KIAA1328: variants seen among roughly 807,000 people sequenced by gnomAD.
KIAA1328 encodes protein hinderin.
Under a neutral mutation model 68.1 loss-of-function variants are expected in KIAA1328, and 52 were observed. That is an observed-to-expected ratio of 0.76 (90% confidence interval 0.61 to 0.96). KIAA1328 has a LOEUF of 0.96. KIAA1328 is among the 40% of genes least tolerant of loss of function. KIAA1328 has a pLI of 0.00. For missense variants in KIAA1328, 641 were observed against 677.6 expected, an observed-to-expected ratio of 0.95 and a Z score of 0.60; for synonymous variants, 232 against 239.4, an observed-to-expected ratio of 0.97 and a Z score of 0.28.
At chr18:36,984,494 C>A (rs1296852406) in intron 6 of KIAA1328, among the ~76,000 whole-genome samples, 1 of 152,020 alleles carries the variant, frequency 6.6e-6, no homozygotes, top group Admixed American at 6.5e-5. Flanking sequence ...AAATTTAAAA[C>A]AATACCATTT....
At chr18:36,988,677 A>G (rs1323171602) in intron 6 of KIAA1328, among the ~76,000 whole-genome samples, 3 of 152,216 alleles carry the variant, frequency 2.0e-5, no homozygotes, top group Non-Finnish European at 4.4e-5. Context: ...TCAGAATGCC[A>G]GTTAAGAGCA....
At chr18:36,841,126 C>T (rs946297665) in intron 3 of KIAA1328, among the ~76,000 whole-genome samples, 1 of 152,002 alleles carries the variant, frequency 6.6e-6, no homozygotes, top group Non-Finnish European at 1.5e-5. Flanking sequence ...TAGCTCAGTT[C>T]TAGTGTCTCT....
chr18:37,062,691 G>A (rs1183038151), intron 6 of KIAA1328, among the ~76,000 whole-genome samples: 1 of 152,048 alleles, frequency 6.6e-6, no homozygotes, highest in Non-Finnish European at 1.5e-5. Flanking sequence ...TCCTGACCTC[G>A]TGATCTGCCT....
intron 7 of KIAA1328, among the ~76,000 whole-genome samples, chr18:37,113,718 T>A (rs2058014241): frequency 6.6e-6 from 1 of 152,116 alleles, no homozygotes. Context: ...ACTGGCAAAT[T>A]GGATAAAGAT....
intron 5 of KIAA1328, among the ~76,000 whole-genome samples, chr18:36,948,199 C>A (rs967192128): frequency 2.0e-5 from 3 of 150,614 alleles, no homozygotes; most frequent in Non-Finnish European, 4.4e-5. Flanking sequence ...ATGGTAAGAA[C>A]AAATCTCTTC....
chr18:37,187,767 G>A (rs1275246098), intron 9 of KIAA1328, among the ~76,000 whole-genome samples: 1 of 152,124 alleles, frequency 6.6e-6, no homozygotes, highest in Non-Finnish European at 1.5e-5. Context: ...AGCCAAGATG[G>A]AAGCCAATCC....
intron 4 of KIAA1328, among the ~76,000 whole-genome samples, chr18:36,864,635 A>G (rs1486405622): frequency 9.2e-6 from 1 of 108,816 alleles, no homozygotes; most frequent in Non-Finnish European, 1.8e-5. Context: ...TGTTTTTGGT[A>G]TTATACTAGC....
chr18:37,032,522 G>A (rs537478599), intron 6 of KIAA1328, among the ~76,000 whole-genome samples: 3 of 149,886 alleles, frequency 2.0e-5, no homozygotes, highest in African/African-American at 4.9e-5. Context: ...TTCATCTTTC[G>A]TATCTATTTC....
chr18:36,938,647 C>A (rs759847564), intron 5 of KIAA1328, among the ~76,000 whole-genome samples: 2 of 152,104 alleles, frequency 1.3e-5, no homozygotes, highest in Non-Finnish European at 2.9e-5. Flanking sequence ...ATGTCAAATC[C>A]AGGAATTCAC....
At chr18:36,853,175 T>G (rs150673922) in intron 4 of KIAA1328, among the ~76,000 whole-genome samples, 1 of 152,316 alleles carries the variant, frequency 6.6e-6, no homozygotes, top group African/African-American at 2.4e-5. Context: ...CCTTTGTGTC[T>G]TTTGATTTAA....
chr18:36,843,427 T>G (rs745614456), intron 3 of KIAA1328, among the ~76,000 whole-genome samples: 1 of 152,204 alleles, frequency 6.6e-6, no homozygotes, highest in Non-Finnish European at 1.5e-5. Flanking sequence ...TCCTTCCTTT[T>G]ACATGTTACC....
chr18:37,129,737 T>C (rs969760401), intron 7 of KIAA1328, among the ~76,000 whole-genome samples: 1 of 152,176 alleles, frequency 6.6e-6, no homozygotes, highest in South Asian at 2.1e-4. Context: ...GGTTTTTAGT[T>C]TCAGAGTTAG....
chr18:36,957,582 A>G (rs955035340), intron 5 of KIAA1328, among the ~76,000 whole-genome samples: 1 of 152,168 alleles, frequency 6.6e-6, no homozygotes, highest in East Asian at 1.9e-4. Context: ...CCAAATTATA[A>G]AATTATAAAA....
intron 3 of KIAA1328, among the ~76,000 whole-genome samples, chr18:36,839,292 T>A (rs549441032): frequency 6.6e-6 from 1 of 152,338 alleles, no homozygotes; most frequent in South Asian, 2.1e-4. Flanking sequence ...TTTGTATTGC[T>A]GTTGCTATGT....
At chr18:37,050,662 G>A (rs953253199) in intron 6 of KIAA1328, among the ~76,000 whole-genome samples, 9 of 152,060 alleles carry the variant, frequency 5.9e-5, no homozygotes, top group East Asian at 1.9e-4. Context: ...ACAATTAGAC[G>A]TTTGTCTTCT....
chr18:37,217,110 G>A (rs1223818350), intron 9 of KIAA1328, among the ~76,000 whole-genome samples: 3 of 151,028 alleles, frequency 2.0e-5, no homozygotes, highest in Non-Finnish European at 2.9e-5. Context: ...GATGGGTCTT[G>A]ATTCTTTATC....
At chr18:36,960,723 C>T (rs1031890360) in intron 6 of KIAA1328, among the ~76,000 whole-genome samples, 3 of 152,192 alleles carry the variant, frequency 2.0e-5, no homozygotes, top group African/African-American at 7.2e-5. Context: ...GCTGAGAGAC[C>T]TGACTGTTAG....
chr18:37,046,244 A>G (rs1409042940), intron 6 of KIAA1328, among the ~76,000 whole-genome samples: 1 of 152,200 alleles, frequency 6.6e-6, no homozygotes, highest in Non-Finnish European at 1.5e-5. Flanking sequence ...TATTTCAGTT[A>G]ACAGTCTGGC....
chr18:36,989,980 G>A (rs981496840), intron 6 of KIAA1328, among the ~76,000 whole-genome samples: 2 of 152,004 alleles, frequency 1.3e-5, no homozygotes, highest in Non-Finnish European at 2.9e-5. Flanking sequence ...GGTGTGAGCC[G>A]CCGCACCCAG....
Sources: gnomAD v4.1 joint callset for allele counts (sites outside exome capture counted in the v4.1 genomes callset) on GRCh38, gnomAD v4.1.1 for gene constraint, MANE v1.5 for transcripts, NCBI Gene and HGNC (gene_info 2026-07-23, HGNC 2026-07-21) for gene names.